Variants in CACNB2 observed in about 807,000 individuals in gnomAD.
CACNB2 encodes the protein voltage-dependent L-type calcium channel subunit beta-2.
CACNB2 carries 42 observed loss-of-function variants against 73.3 expected under a neutral mutation model. That is an observed-to-expected ratio of 0.57 (90% CI 0.45 to 0.74). The LOEUF is 0.74. CACNB2 is among the 30% of genes least tolerant of loss of function. The probability of loss-of-function intolerance (pLI) is 0.00; values close to 1 mark genes in which losing one functional copy is unlikely to be tolerated. For missense variants in CACNB2, 940 were observed against 853.0 expected (o/e 1.10, Z -1.27); for synonymous variants, 348 against 310.3 (o/e 1.12, Z -1.28).
intron 2 of CACNB2, among the ~76,000 whole-genome samples, chr10:18,296,907 A>G (rs1263470179): frequency 2.0e-5 from 3 of 152,270 alleles, no homozygotes; most frequent in Non-Finnish European, 4.4e-5. Flanking sequence ...ACTTTGGACA[A>G]ATTATTAACC....
chr10:18,427,118 G>C (rs1393214792), intron 3 of CACNB2, among the ~76,000 whole-genome samples: 1 of 151,832 alleles, frequency 6.6e-6, no homozygotes, highest in Non-Finnish European at 1.5e-5. Flanking sequence ...ACCACGCCCG[G>C]CTAATTTTGT....
At chr10:18,289,898 G>C (rs1272097786) in intron 2 of CACNB2, among the ~76,000 whole-genome samples, 1 of 151,832 alleles carries the variant, frequency 6.6e-6, no homozygotes, top group Non-Finnish European at 1.5e-5. Flanking sequence ...AGACACATAA[G>C]GGCAACATAT....
chr10:18,230,602 C>T lies in CACNB2; in HGVS notation c.213+79627C>T, dbSNP rs115382062. On this transcript the variant is annotated intron_variant, in intron 2 of 13. Transcript: ENST00000324631. ...GAATGAAAGGAAGGTGAGAAAAACA[C>T]GAGTTTTCTCTTGGAAAAATCTATA... 2.7e-3 allele frequency among the ~76,000 whole-genome samples: 415 copies of T among 152,208 alleles called. 3 individuals are homozygous for T. Among genetic ancestry groups the T allele is most frequent in the African/African-American group, 9.4e-3 (391 of 41,540 alleles).
chr10:18,290,485 A>G (rs966503980), intron 2 of CACNB2, among the ~76,000 whole-genome samples: 2 of 152,180 alleles, frequency 1.3e-5, no homozygotes, highest in African/African-American at 4.8e-5. Flanking sequence ...TCTTGGTCAA[A>G]GTGACCATTC....
At chr10:18,519,521 C>T (rs2051627739) in intron 9 of CACNB2, among the ~76,000 whole-genome samples, 1 of 152,150 alleles carries the variant, frequency 6.6e-6, no homozygotes. Flanking sequence ...GCCAACCCAC[C>T]ATGTGGGCAC....
chr10:18,356,278 C>T (rs906270342), intron 2 of CACNB2, among the ~76,000 whole-genome samples: 2 of 152,200 alleles, frequency 1.3e-5, no homozygotes, highest in African/African-American at 4.8e-5. Flanking sequence ...CTTTGCATCA[C>T]GCTAGCTCTG....
intron 8 of CACNB2, among the ~76,000 whole-genome samples, 182 bp from the exon 9 acceptor site, chr10:18,518,728 A>C (rs1456840939): frequency 6.6e-6 from 1 of 152,214 alleles, no homozygotes. Flanking sequence ...CATCATGATA[A>C]GTTCAGTTTA....
chr10:18,402,149 T>A (rs2044034133), intron 3 of CACNB2, 106 bp downstream of exon 3: 1 of 1,267,064 alleles, frequency 7.9e-7, no homozygotes, highest in African/African-American at 1.5e-5. Context: ...TTAGAGAATT[T>A]CATTGTCTGG....
intron 2 of CACNB2, among the ~76,000 whole-genome samples, chr10:18,246,469 G>C (rs1017463280): frequency 1.3e-5 from 2 of 152,090 alleles, no homozygotes; most frequent in South Asian, 4.1e-4. Flanking sequence ...GTAAAGATAG[G>C]CTCTGTGTAT....
intron 2 of CACNB2, chr10:18,261,180 T>C: frequency 1.3e-6 from 2 of 1,548,034 alleles, no homozygotes; most frequent in East Asian, 4.9e-5. Context: ...GAGTAGAAGG[T>C]GGGAAGAAAT....
intron 2 of CACNB2, among the ~76,000 whole-genome samples, chr10:18,189,047 C>T (rs1416431993): frequency 1.3e-5 from 2 of 151,814 alleles, no homozygotes; most frequent in Admixed American, 6.6e-5. Context: ...CTGCAGCCTC[C>T]AACTCCTGGG....
chr10:18,336,266 A>G (rs10828533), intron 2 of CACNB2, among the ~76,000 whole-genome samples: 84,961 of 152,054 alleles, frequency 0.56, 24,823 homozygotes, highest in African/African-American at 0.73. Context: ...AAGAACCCTG[A>G]GCTATGAATT....
intron 3 of CACNB2, among the ~76,000 whole-genome samples, chr10:18,417,578 G>C (rs766688858): frequency 3.3e-5 from 5 of 151,852 alleles, no homozygotes; most frequent in Non-Finnish European, 7.4e-5. Flanking sequence ...ATGTTGGCCA[G>C]GCTGCTCTCA....
intron 2 of CACNB2, among the ~76,000 whole-genome samples, chr10:18,319,394 A>G (rs1449956945): frequency 6.6e-6 from 1 of 152,032 alleles, no homozygotes; most frequent in Non-Finnish European, 1.5e-5. Context: ...GGGAGTTGAA[A>G]AATGAGAACA....
intron 2 of CACNB2, among the ~76,000 whole-genome samples, chr10:18,212,052 C>T (rs1294847853): frequency 1.3e-5 from 2 of 152,178 alleles, no homozygotes; most frequent in Non-Finnish European, 2.9e-5. Flanking sequence ...CTCCAGGCCT[C>T]AGGTGTTTGT....
At chr10:18,533,668 C>T (rs993636787) in intron 10 of CACNB2, among the ~76,000 whole-genome samples, 22 of 152,104 alleles carry the variant, frequency 1.4e-4, no homozygotes, top group African/African-American at 3.1e-4. Flanking sequence ...TAGATCAGCC[C>T]GTGCACTGAA....
intron 2 of CACNB2, among the ~76,000 whole-genome samples, chr10:18,288,941 A>G (rs1027024675): frequency 6.6e-6 from 1 of 152,214 alleles, no homozygotes; most frequent in South Asian, 2.1e-4. Context: ...GCTACTCAGG[A>G]GGTTGAAGTG....
chr10:18,162,323 C>T (rs894464731), intron 2 of CACNB2, among the ~76,000 whole-genome samples: 27 of 151,864 alleles, frequency 1.8e-4, no homozygotes, highest in African/African-American at 6.5e-4. Flanking sequence ...AGAGCTGAAG[C>T]AAGGAGAAAA....
At chr10:18,439,713 A>G (rs959765027) in intron 3 of CACNB2, among the ~76,000 whole-genome samples, 5 of 152,180 alleles carry the variant, frequency 3.3e-5, no homozygotes, top group Non-Finnish European at 7.3e-5. Context: ...ATTATTTGTC[A>G]TTCAGCTTCT....
Sources: gnomAD v4.1 joint callset for allele counts (sites outside exome capture counted in the v4.1 genomes callset) on GRCh38, gnomAD v4.1.1 for gene constraint, MANE v1.5 for transcripts, NCBI Gene and HGNC (gene_info 2026-07-23, HGNC 2026-07-21) for gene names.